DPP10: variants seen among roughly 807,000 people sequenced by gnomAD.
DPP10 encodes the protein inactive dipeptidyl peptidase 10.
DPP10 carries 33 observed loss-of-function variants against 120.9 expected under a neutral mutation model. The observed-to-expected ratio is 0.27, with a 90% CI of 0.21 to 0.37. The LOEUF is 0.37. Ranked by LOEUF, DPP10 falls within the 10% of genes least tolerant of loss-of-function variation. DPP10 has a pLI of 1.00. For missense variants in DPP10, 816 were observed against 942.8 expected, an observed-to-expected ratio of 0.87 and a Z score of 1.76; for synonymous variants, 337 against 326.1, an observed-to-expected ratio of 1.03 and a Z score of -0.36.
At chr2:115,087,608 A>G (rs1315479696) in intron 1 of DPP10, among the ~76,000 whole-genome samples, 1 of 132,140 alleles carries the variant, frequency 7.6e-6, no homozygotes, top group African/African-American at 2.8e-5. Context: ...GCTGGAGTGC[A>G]ATTGGCCCAA....
At chr2:114,847,934 T>C (rs79308201) in intron 1 of DPP10, among the ~76,000 whole-genome samples, 3,234 of 152,246 alleles carry the variant, frequency 0.021, 119 homozygotes, top group African/African-American at 0.074. Context: ...TCTAGAAGAC[T>C]TTAAAGACAG....
chr2:115,816,255 T>C (rs1005561930), intron 21 of DPP10, among the ~76,000 whole-genome samples: 15 of 152,118 alleles, frequency 9.9e-5, no homozygotes, highest in African/African-American at 2.9e-4. Flanking sequence ...GAAAAACTGA[T>C]ACATAAAAGC....
intron 1 of DPP10, among the ~76,000 whole-genome samples, chr2:115,228,914 T>G (rs1425403449): frequency 2.0e-5 from 3 of 152,098 alleles, no homozygotes; most frequent in Non-Finnish European, 2.9e-5. Flanking sequence ...TTGCTGGATC[T>G]TATAATAGCT....
chr2:114,482,677 GAA>G (rs1035196645), intron 1 of DPP10, among the ~76,000 whole-genome samples: 1 of 152,140 alleles, frequency 6.6e-6, no homozygotes, highest in Non-Finnish European at 1.5e-5. Context: ...TTCTTTTATG[GAA>G]AAGTCTTGTT....
At chr2:115,724,420 A>G (rs1192102468) in intron 7 of DPP10, among the ~76,000 whole-genome samples, 1 of 152,226 alleles carries the variant, frequency 6.6e-6, no homozygotes, top group East Asian at 1.9e-4. Flanking sequence ...ATCATTTGTT[A>G]ATGAGCAACA....
chr2:114,492,430 G>A (rs1473308825), intron 1 of DPP10, among the ~76,000 whole-genome samples: 2 of 151,912 alleles, frequency 1.3e-5, no homozygotes, highest in South Asian at 2.1e-4. Context: ...AACAGCAACG[G>A]TAGGAACACA....
intron 1 of DPP10, among the ~76,000 whole-genome samples, chr2:115,235,038 C>G (rs1376398197): frequency 1.3e-5 from 2 of 152,156 alleles, no homozygotes; most frequent in Non-Finnish European, 2.9e-5. Context: ...TCTCATTTAA[C>G]ATGAAAATGC....
intron 5 of DPP10, among the ~76,000 whole-genome samples, chr2:115,650,883 A>T (rs2087710397): frequency 6.6e-6 from 1 of 152,022 alleles, no homozygotes; most frequent in Non-Finnish European, 1.5e-5. Flanking sequence ...GAAATGTCCA[A>T]CGAAGGGAAG....
chr2:114,692,254 C>T (rs2105774147), intron 1 of DPP10, among the ~76,000 whole-genome samples: 1 of 152,024 alleles, frequency 6.6e-6, no homozygotes, highest in Non-Finnish European at 1.5e-5. Flanking sequence ...ACTGCTTTAG[C>T]TGCATCCCAG....
chr2:114,496,368 A>T (rs1682518659), intron 1 of DPP10, among the ~76,000 whole-genome samples: 1 of 152,140 alleles, frequency 6.6e-6, no homozygotes, highest in African/African-American at 2.4e-5. Context: ...GGGATGCTGC[A>T]ACAAAATACC....
In DPP10 at chr2:115,030,352, G is replaced by T. The variant is rs528672272; in HGVS notation, c.61-278887G>T. On this transcript the variant is annotated intron_variant, in intron 1 of 25. Transcript: ENST00000410059. ...CTATTAATCTTGTCCTGAAGTGGAT[G>T]CTTGAAAAATCACTGGAATTGTGTA... 1.1e-4 allele frequency among the ~76,000 whole-genome samples: 17 copies of T among 152,178 alleles called. No homozygotes were observed. The South Asian group carries it at 2.9e-3, about 26-fold the overall frequency.
chr2:115,560,124 A>G (rs1471054655), intron 5 of DPP10, among the ~76,000 whole-genome samples: 1 of 151,352 alleles, frequency 6.6e-6, no homozygotes, highest in African/African-American at 2.4e-5. Flanking sequence ...AGATACGACA[A>G]CTTTGGGAGG....
chr2:114,644,906 C>G (rs1277557432), intron 1 of DPP10, among the ~76,000 whole-genome samples: 1 of 151,870 alleles, frequency 6.6e-6, no homozygotes, highest in East Asian at 1.9e-4. Flanking sequence ...TGCTATTTCA[C>G]TGATTTTCTG....
chr2:114,974,518 A>C (rs1338872675), intron 1 of DPP10, among the ~76,000 whole-genome samples: 1 of 151,622 alleles, frequency 6.6e-6, no homozygotes, highest in African/African-American at 2.4e-5. Flanking sequence ...ACTGGGTTCA[A>C]GCGATTTTCC....
intron 1 of DPP10, among the ~76,000 whole-genome samples, chr2:115,248,889 C>T (rs571846648): frequency 8.6e-5 from 13 of 152,034 alleles, no homozygotes; most frequent in South Asian, 8.3e-4. Flanking sequence ...GAGAAAATCA[C>T]GATAGTATTG....
At chr2:114,976,886 G>A (rs1699788359) in intron 1 of DPP10, among the ~76,000 whole-genome samples, 1 of 151,948 alleles carries the variant, frequency 6.6e-6, no homozygotes, top group African/African-American at 2.4e-5. Context: ...TCTACTTGGA[G>A]AGCATCAATT....
At chr2:115,683,243 A>G (rs74426848) in intron 5 of DPP10, among the ~76,000 whole-genome samples, 11,793 of 151,940 alleles carry the variant, frequency 0.078, 651 homozygotes, top group Non-Finnish European at 0.11. Flanking sequence ...GCCAATTTGA[A>G]AAGTCTGCAT....
chr2:114,624,353 C>T (rs910088957), intron 1 of DPP10, among the ~76,000 whole-genome samples: 2 of 151,900 alleles, frequency 1.3e-5, no homozygotes, highest in East Asian at 1.9e-4. Context: ...GAATTTTATT[C>T]TCTAGGGCAT....
rs1383193690 is a variant in DPP10, at chr2:114,715,586, C to A, written c.60+272748C>A. ...ACCACTATCTGCCTACTGAACCTCC[C>A]TGAAATAAAAAAAAAGTACATGTTG... On this transcript the variant is annotated intron_variant, in intron 1 of 25. Transcript: ENST00000410059. 4.6e-5 allele frequency among the ~76,000 whole-genome samples: 7 copies of A among 151,340 alleles called. No homozygotes were observed. The East Asian group carries it at 9.7e-4, about 21-fold the overall frequency.
Sources: allele counts gnomAD v4.1 joint callset (sites outside exome capture counted in the v4.1 genomes callset), GRCh38; gene constraint gnomAD v4.1.1; transcripts MANE v1.5; gene names NCBI Gene and HGNC (gene_info 2026-07-23, HGNC 2026-07-21).